The following DST variants were observed in gnomAD, a reference collection of about 807,000 sequenced individuals.
The protein encoded by DST is bullous pemphigoid antigen.
DST carries 253 observed loss-of-function variants against 875.2 expected under a neutral mutation model. That is an observed-to-expected ratio of 0.29 (90% confidence interval 0.26 to 0.32). The LOEUF is 0.32. Among genes scored for constraint, DST ranks in the 10% least tolerant of loss-of-function variants. The probability of loss-of-function intolerance (pLI) is 1.00; values close to 1 mark genes in which losing one functional copy is unlikely to be tolerated. For missense variants in DST, 8,287 were observed against 9,111.6 expected (o/e 0.91, Z 3.68); for synonymous variants, 3,124 against 3,197.1 (o/e 0.98, Z 0.77).
chr6:56,950,916 T>C (rs1248573030), intron 2 of DST, among the ~76,000 whole-genome samples: 4 of 152,176 alleles, frequency 2.6e-5, no homozygotes, highest in Admixed American at 2.6e-4. Flanking sequence ...TCTAGCTTCA[T>C]GAGGAAGAAA....
chr6:56,928,407 AAGGTG>A (rs1295625270), intron 2 of DST, among the ~76,000 whole-genome samples: 1 of 152,160 alleles, frequency 6.6e-6, no homozygotes, highest in East Asian at 1.9e-4. Context: ...ATAGAATAGA[AAGGTG>A]AGGTGAAGCT....
At chr6:56,519,280 C>CA (rs1189566184) in intron 69 of DST, among the ~76,000 whole-genome samples, 2 of 152,146 alleles carry the variant, frequency 1.3e-5, no homozygotes, top group Non-Finnish European at 2.9e-5. Context: ...AACTTTTAAA[C>CA]AATAACCACT....
chr6:56,737,825 A>G (rs1276901592), intron 4 of DST, among the ~76,000 whole-genome samples: 1 of 152,258 alleles, frequency 6.6e-6, no homozygotes, highest in Non-Finnish European at 1.5e-5. Flanking sequence ...TCTAAAATCT[A>G]TTCTGAAGTT....
chr6:56,905,227 G>A (rs1795859573), intron 2 of DST, among the ~76,000 whole-genome samples: 1 of 152,274 alleles, frequency 6.6e-6, no homozygotes, highest in East Asian at 1.9e-4. Context: ...GTGTGTGTGT[G>A]TGTGTGTTTG....
At chr6:56,857,726 G>A (rs1768707087) in intron 3 of DST, among the ~76,000 whole-genome samples, 1 of 152,114 alleles carries the variant, frequency 6.6e-6, no homozygotes, top group Non-Finnish European at 1.5e-5. Context: ...AGGTAGGTAG[G>A]TACAAATATT....
chr6:56,600,914 T>C (rs1431192701), intron 44 of DST, among the ~76,000 whole-genome samples: 1 of 152,108 alleles, frequency 6.6e-6, no homozygotes, highest in Non-Finnish European at 1.5e-5. Flanking sequence ...ATGTTTTACA[T>C]ACATTCTTTT....
intron 4 of DST, among the ~76,000 whole-genome samples, chr6:56,797,868 A>C (rs2099742159): frequency 6.6e-6 from 1 of 151,694 alleles, no homozygotes; most frequent in Non-Finnish European, 1.5e-5. Context: ...AATGATAAGA[A>C]ACAGCCTTAC....
intron 61 of DST, among the ~76,000 whole-genome samples, chr6:56,547,819 C>T (rs749527338): frequency 2.6e-4 from 39 of 152,152 alleles, no homozygotes; most frequent in Admixed American, 5.9e-4. Context: ...TAAACAATGC[C>T]TTCACCTGGA....
intron 10 of DST, among the ~76,000 whole-genome samples, chr6:56,656,662 G>A (rs916967192): frequency 6.6e-6 from 1 of 152,136 alleles, no homozygotes; most frequent in Non-Finnish European, 1.5e-5. Flanking sequence ...TTCAACCCAG[G>A]TCTGTCTGAC....
At chr6:56,484,988 A>T (rs2095515067) in intron 88 of DST, 1 of 221,640 alleles carries the variant, frequency 4.5e-6, no homozygotes, top group South Asian at 8.5e-5. Context: ...ATAATTGTTT[A>T]AGTGCATAAC....
intron 3 of DST, among the ~76,000 whole-genome samples, chr6:56,877,488 G>T (rs1286711759): frequency 6.6e-6 from 1 of 152,190 alleles, no homozygotes; most frequent in Non-Finnish European, 1.5e-5. Context: ...CCCAGGAGGC[G>T]GAGGTTGCAG....
intron 4 of DST, among the ~76,000 whole-genome samples, chr6:56,780,185 T>C (rs1334033269): frequency 6.6e-6 from 1 of 151,992 alleles, no homozygotes; most frequent in Non-Finnish European, 1.5e-5. Context: ...ACAATAAACA[T>C]ACATGTACAT....
At chr6:56,474,029 A>G (rs2095039830) in intron 92 of DST, 27 bp from the exon 93 acceptor site, 2 of 1,556,672 alleles carry the variant, frequency 1.3e-6, no homozygotes, top group Non-Finnish European at 8.7e-7. Flanking sequence ...GATGTCAATC[A>G]AATAAGAGTT....
chr6:56,473,204 G>A (rs1329752128), intron 93 of DST, among the ~76,000 whole-genome samples: 3 of 152,152 alleles, frequency 2.0e-5, no homozygotes, highest in African/African-American at 7.2e-5. Flanking sequence ...TCTGGCTATA[G>A]GGCTCTTAAT....
intron 4 of DST, among the ~76,000 whole-genome samples, chr6:56,808,970 C>T (rs952506329): frequency 1.3e-5 from 2 of 152,134 alleles, no homozygotes; most frequent in African/African-American, 2.4e-5. Flanking sequence ...TCCCACAGTG[C>T]GGTGCAGCCT....
rs201204406 is a variant in DST at position 56,646,292 on chromosome 6, G to A, written c.1555-110C>T. 8.0e-5 allele frequency: 44 copies of A among 547,174 alleles called. No individual in the cohort carries two copies. In the East Asian group the frequency reaches 1.4e-3, roughly 18 times the overall value. 33.9% of individuals were successfully genotyped at this position (547,174 alleles called of 1,614,324 possible). ...TGTACTGTATCATATGCAGTCAGTG[G>A]AATTCCTTTGTTAAACCGACACTCA... is the stretch of plus-strand genomic sequence containing the variant. On this transcript the variant is annotated intron_variant, in intron 13 of 103. Coordinates refer to ENST00000680361, the MANE Select transcript of DST (RefSeq NM_001374736.1).
At chr6:56,767,934 C>T (rs2099638288) in intron 4 of DST, among the ~76,000 whole-genome samples, 1 of 152,064 alleles carries the variant, frequency 6.6e-6, no homozygotes, top group South Asian at 2.1e-4. Flanking sequence ...TGTACTCAAA[C>T]AAGAGCAAGG....
chr6:56,469,886 G>C lies in DST; in HGVS notation c.22548C>G (p.Tyr7516Ter). Residue 7516 changes from tyrosine (Y) to a stop codon, truncating the protein, a stop_gained, in exon 97 of 104, where the codon TAC becomes TAG. Coordinates refer to ENST00000680361, the MANE Select transcript of DST (RefSeq NM_001374736.1). LOFTEE classifies it high-confidence loss of function. Reference protein sequence around the residue: ...FQVEQIGDNKYRFFLGNQFGD... With the variant: ...FQVEQIGDNK ...CAACATTACTTTGAAAACTTACCCT[G>C]TATTTATTATCACCAATCTGCTCAA... The C allele has an allele frequency of 6.2e-7, 1 of 1,612,428 alleles. No individual in the cohort carries two copies. Among genetic ancestry groups the C allele is most frequent in the Non-Finnish European group, 8.5e-7 (1 of 1,178,700 alleles).
At chr6:56,881,720 A>G (rs973096261) in intron 3 of DST, among the ~76,000 whole-genome samples, 2 of 152,204 alleles carry the variant, frequency 1.3e-5, no homozygotes, top group South Asian at 4.1e-4. Flanking sequence ...AACAGGAAAT[A>G]GTACAACTCA....
Sources: gnomAD v4.1 joint callset for allele counts (sites outside exome capture counted in the v4.1 genomes callset) on GRCh38, gnomAD v4.1.1 for gene constraint, MANE v1.5 for transcripts, NCBI Gene and HGNC (gene_info 2026-07-23, HGNC 2026-07-21) for gene names.